Variants in PIK3C2G observed in about 807,000 individuals in gnomAD.
The protein encoded by PIK3C2G is phosphatidylinositol-4-phosphate 3-kinase catalytic subunit type 2 gamma, also known as phosphatidylinositol 3-kinase C2 domain-containing subunit gamma.
Under a neutral mutation model 181.1 loss-of-function variants are expected in PIK3C2G, and 168 were observed. That is an observed-to-expected ratio of 0.93 (90% confidence interval 0.82 to 1.05). The LOEUF (loss-of-function observed/expected upper bound fraction) is 1.05, where lower values mean the gene tolerates loss of function less well. PIK3C2G is among the 50% of genes least tolerant of loss of function. The pLI is 0.00. For synonymous variants in PIK3C2G, 573 were observed against 592.2 expected, an observed-to-expected ratio of 0.97 and a Z score of 0.47; for missense variants, 1,869 against 1,732.8, an observed-to-expected ratio of 1.08 and a Z score of -1.40.
At chr12:18,715,189 GAGGGA>G in the PIK3C2G span, among the ~76,000 whole-genome samples, 1 of 18,128 alleles carries the variant, frequency 5.5e-5, no homozygotes, top group Non-Finnish European at 2.2e-4. Flanking sequence ...GGGGCGGAGG[GAGGGA>G]GAGAGAGAGA....
chr12:18,672,174 C>T, the PIK3C2G span, among the ~76,000 whole-genome samples: 39 of 152,190 alleles, frequency 2.6e-4, no homozygotes, highest in Admixed American at 2.2e-3. Flanking sequence ...TTTATAGTTT[C>T]TGACATTTCT....
the PIK3C2G span, among the ~76,000 whole-genome samples, chr12:18,698,288 C>CTAT: frequency 1.8e-5 from 1 of 54,866 alleles, no homozygotes; most frequent in Admixed American, 1.9e-4. Context: ...TTCTATTCTA[C>CTAT]TCCATTCCAT....
intron 31 of PIK3C2G, among the ~76,000 whole-genome samples, chr12:18,632,227 T>A (rs1390054442): frequency 2.0e-5 from 3 of 152,166 alleles, no homozygotes; most frequent in Non-Finnish European, 4.4e-5. Flanking sequence ...CCTTATCCAA[T>A]CAGTACATAC....
chr12:18,419,726 A>G (rs1374768158), intron 16 of PIK3C2G, among the ~76,000 whole-genome samples: 2 of 152,154 alleles, frequency 1.3e-5, no homozygotes, highest in African/African-American at 4.8e-5. Flanking sequence ...TTGACTGACT[A>G]ACCTTATAGG....
At chr12:18,659,349 C>G in the PIK3C2G span, among the ~76,000 whole-genome samples, 1 of 152,072 alleles carries the variant, frequency 6.6e-6, no homozygotes, top group Non-Finnish European at 1.5e-5. Flanking sequence ...CACAGCCATA[C>G]GCTTGTAACT....
intron 13 of PIK3C2G, among the ~76,000 whole-genome samples, chr12:18,377,707 C>T (rs1942550920): frequency 6.6e-6 from 1 of 152,076 alleles, no homozygotes; most frequent in African/African-American, 2.4e-5. Flanking sequence ...TTTTGTGTCT[C>T]CTGCCTTCAA....
chr12:18,304,264 C>T (rs1565577108), intron 5 of PIK3C2G, among the ~76,000 whole-genome samples: 1 of 151,782 alleles, frequency 6.6e-6, no homozygotes, highest in Non-Finnish European at 1.5e-5. Context: ...TTAATTTGTT[C>T]ATTTTTTTTG....
At chr12:18,594,592 T>C (rs1212536863) in intron 30 of PIK3C2G, 23 bp downstream of exon 30, 2 of 1,247,786 alleles carry the variant, frequency 1.6e-6, no homozygotes, top group Non-Finnish European at 2.2e-6. Flanking sequence ...GTCATTATAT[T>C]ACGTACAGTG....
chr12:18,315,256 C>A (rs992846673), intron 6 of PIK3C2G, among the ~76,000 whole-genome samples: 34 of 152,014 alleles, frequency 2.2e-4, no homozygotes, highest in African/African-American at 7.0e-4. Context: ...TTAGAAATAT[C>A]TTTTGGATCT....
downstream of PIK3C2G, among the ~76,000 whole-genome samples, chr12:18,652,935 G>C (rs1301078182): frequency 4.0e-5 from 6 of 149,686 alleles, no homozygotes; most frequent in African/African-American, 9.9e-5. Flanking sequence ...GTCTCACACA[G>C]AGAGAGAGAG....
chr12:18,448,534 C>T (rs988424403), intron 18 of PIK3C2G, among the ~76,000 whole-genome samples: 3 of 152,068 alleles, frequency 2.0e-5, no homozygotes, highest in Non-Finnish European at 2.9e-5. Context: ...GTTCCCTTTA[C>T]CTACATTGCC....
chr12:18,703,456 G>T, the PIK3C2G span, among the ~76,000 whole-genome samples: 1 of 152,188 alleles, frequency 6.6e-6, no homozygotes, highest in Non-Finnish European at 1.5e-5. Context: ...TAATACAGCT[G>T]TTTTTCTTCG....
intron 24 of PIK3C2G, among the ~76,000 whole-genome samples, chr12:18,532,716 G>GT (rs1233363768): frequency 6.6e-6 from 1 of 152,068 alleles, no homozygotes; most frequent in Non-Finnish European, 1.5e-5. Context: ...TTACTGAACT[G>GT]TCTCTGACAG....
Position 18,399,641 on chromosome 12 carries a change from TC to T in PIK3C2G, c.2127-16del. The T allele has an allele frequency of 6.6e-7, 1 of 1,508,312 alleles. No individual in the cohort carries two copies. The allele number at this position is 1,508,312 out of a possible 1,614,324, so 93.4% of individuals were successfully genotyped here. A position where few individuals can be genotyped will look rare whatever the true frequency, so the allele number is the denominator to read the frequency against. ...CAGCAAACTCCAGTAAATTACAGTT[TC>T]CAATCTGGTTTTTCAGACTCTCTGA... On this transcript the variant is annotated splice_polypyrimidine_tract_variant and intron_variant, in intron 15 of 32. Coordinates refer to ENST00000538779, the MANE Select transcript of PIK3C2G (RefSeq NM_001288772.2).
chr12:18,361,901 G>T lies in PIK3C2G; in HGVS notation c.1626-863G>T, dbSNP rs747173869. Among the ~76,000 whole-genome samples, 81 of 152,090 alleles carry T rather than the reference G, an allele frequency of 5.3e-4. 1 individual carries two copies. Among genetic ancestry groups the T allele is most frequent in the Non-Finnish European group, 1.0e-3 (71 of 68,022 alleles). ...TTCCCCATCACTTTCCCTGACCAGG[G>T]AGTGGCTGACAAGGTATATAGGCTT... On this transcript the variant is annotated intron_variant, in intron 11 of 32. Transcript: ENST00000538779.
chr12:18,475,662 C>A (rs1004960983), intron 18 of PIK3C2G, among the ~76,000 whole-genome samples: 1 of 152,056 alleles, frequency 6.6e-6, no homozygotes, highest in African/African-American at 2.4e-5. Context: ...CTCTGGTATT[C>A]TCTTGGAGTC....
chr12:18,624,237 AT>A (rs1190406654), intron 31 of PIK3C2G, among the ~76,000 whole-genome samples: 1 of 151,740 alleles, frequency 6.6e-6, no homozygotes, highest in Non-Finnish European at 1.5e-5. Context: ...AGTTTTTATC[AT>A]AAAAGAATGT....
At chr12:18,585,103 C>T (rs1394898423) in intron 29 of PIK3C2G, among the ~76,000 whole-genome samples, 2 of 151,998 alleles carry the variant, frequency 1.3e-5, no homozygotes, top group African/African-American at 4.8e-5. Context: ...TTAAGTACAC[C>T]GACCAGTGAC....
chr12:18,670,293 C>G, the PIK3C2G span, among the ~76,000 whole-genome samples: 1 of 151,470 alleles, frequency 6.6e-6, no homozygotes, highest in Non-Finnish European at 1.5e-5. Context: ...CACACATATG[C>G]GCACACACAC....
Sources: allele counts gnomAD v4.1 joint callset (sites outside exome capture counted in the v4.1 genomes callset), GRCh38; gene constraint gnomAD v4.1.1; transcripts MANE v1.5; gene names NCBI Gene and HGNC (gene_info 2026-07-23, HGNC 2026-07-21).